SCHIP1: variants seen among roughly 807,000 people sequenced by gnomAD.
The protein encoded by SCHIP1 is schwannomin-interacting protein 1.
SCHIP1 carries 8 observed loss-of-function variants against 29.7 expected under a neutral mutation model. The observed-to-expected ratio is 0.27, with a 90% CI of 0.16 to 0.49. The LOEUF is 0.49. Ranked by LOEUF, SCHIP1 falls within the 20% of genes least tolerant of loss-of-function variation. The probability of loss-of-function intolerance (pLI) is 0.99; values close to 1 mark genes in which losing one functional copy is unlikely to be tolerated. For missense variants in SCHIP1, 193 were observed against 294.6 expected, an observed-to-expected ratio of 0.66 and a Z score of 2.52; for synonymous variants, 76 against 94.9, an observed-to-expected ratio of 0.80 and a Z score of 1.16.
the SCHIP1 span, among the ~76,000 whole-genome samples, chr3:159,791,419 C>T: frequency 6.6e-6 from 1 of 152,242 alleles, no homozygotes; most frequent in Non-Finnish European, 1.5e-5. Context: ...GGCGATGTTA[C>T]CAGAACCTTC....
chr3:159,498,203 G>C, the SCHIP1 span, among the ~76,000 whole-genome samples: 6 of 152,068 alleles, frequency 3.9e-5, no homozygotes, highest in Non-Finnish European at 5.9e-5. Context: ...GCTCTATTTC[G>C]TTATTCTCAC....
the SCHIP1 span, among the ~76,000 whole-genome samples, chr3:159,326,294 T>C: frequency 3.9e-5 from 6 of 152,180 alleles, no homozygotes; most frequent in African/African-American, 9.6e-5. Flanking sequence ...AGTTAAATAC[T>C]ATCTAATGAA....
At chr3:159,607,515 CCTTT>C in the SCHIP1 span, among the ~76,000 whole-genome samples, 1 of 152,030 alleles carries the variant, frequency 6.6e-6, no homozygotes, top group Admixed American at 6.6e-5. Flanking sequence ...ATGAGGGGGC[CCTTT>C]CTTTCTCTAA....
chr3:159,827,910 C>T, the SCHIP1 span, among the ~76,000 whole-genome samples: 2 of 151,484 alleles, frequency 1.3e-5, no homozygotes, highest in Non-Finnish European at 2.9e-5. Flanking sequence ...AACTCATGAT[C>T]TAGTGTGTTT....
At chr3:159,331,252 C>A in the SCHIP1 span, among the ~76,000 whole-genome samples, 1 of 152,196 alleles carries the variant, frequency 6.6e-6, no homozygotes, top group Non-Finnish European at 1.5e-5. Context: ...TAACCTCCCC[C>A]AGAGGGATCC....
At chr3:159,568,342 G>T in the SCHIP1 span, among the ~76,000 whole-genome samples, 1 of 151,772 alleles carries the variant, frequency 6.6e-6, no homozygotes. Context: ...TAAAGCAGAG[G>T]GCATTTTTTG....
the SCHIP1 span, among the ~76,000 whole-genome samples, chr3:159,693,313 C>G: frequency 2.0e-5 from 3 of 152,288 alleles, no homozygotes; most frequent in South Asian, 6.2e-4. Context: ...TCTAAGATCT[C>G]TCTTTCTTCC....
the SCHIP1 span, among the ~76,000 whole-genome samples, chr3:159,447,392 T>C: frequency 6.6e-6 from 1 of 151,692 alleles, no homozygotes; most frequent in Non-Finnish European, 1.5e-5. Context: ...TGGCTAAGAG[T>C]AGGAAATAGA....
chr3:159,466,534 G>A, the SCHIP1 span, among the ~76,000 whole-genome samples: 1 of 152,162 alleles, frequency 6.6e-6, no homozygotes, highest in Non-Finnish European at 1.5e-5. Context: ...ATAAGTGGTA[G>A]CTGTTTTGAT....
the SCHIP1 span, among the ~76,000 whole-genome samples, chr3:159,449,254 A>G: frequency 6.6e-6 from 1 of 152,144 alleles, no homozygotes; most frequent in African/African-American, 2.4e-5. Context: ...TGGTGTGTAG[A>G]TCTTGGATAA....
At chr3:159,614,901 G>T in the SCHIP1 span, among the ~76,000 whole-genome samples, 1 of 152,226 alleles carries the variant, frequency 6.6e-6, no homozygotes, top group Non-Finnish European at 1.5e-5. Flanking sequence ...AATAAGGCAT[G>T]ACAGACTGTC....
chr3:159,402,945 A>G, the SCHIP1 span, among the ~76,000 whole-genome samples: 1 of 151,992 alleles, frequency 6.6e-6, no homozygotes, highest in Non-Finnish European at 1.5e-5. Flanking sequence ...AATAATAATA[A>G]AAGAAAAAAA....
At chr3:159,303,434 T>A in the SCHIP1 span, among the ~76,000 whole-genome samples, 1 of 106,736 alleles carries the variant, frequency 9.4e-6, no homozygotes, top group African/African-American at 3.6e-5. Flanking sequence ...TACAAATGAA[T>A]GTAAAGAGAG....
the SCHIP1 span, among the ~76,000 whole-genome samples, chr3:159,397,433 T>C: frequency 2.6e-5 from 4 of 152,234 alleles, no homozygotes; most frequent in Admixed American, 2.6e-4. Flanking sequence ...TGTTCTTTTT[T>C]TTCCCCATCT....
the SCHIP1 span, among the ~76,000 whole-genome samples, chr3:159,791,231 C>A: frequency 6.6e-6 from 1 of 152,104 alleles, no homozygotes; most frequent in African/African-American, 2.4e-5. Context: ...AGCCCAGGGG[C>A]CCATCAGCAA....
chr3:159,494,302 A>T, the SCHIP1 span, among the ~76,000 whole-genome samples: 1 of 152,234 alleles, frequency 6.6e-6, no homozygotes, highest in Non-Finnish European at 1.5e-5. Flanking sequence ...CAAAAAAATC[A>T]GTGAATCCAG....
At chr3:159,728,235 C>T in the SCHIP1 span, among the ~76,000 whole-genome samples, 1 of 152,048 alleles carries the variant, frequency 6.6e-6, no homozygotes, top group Non-Finnish European at 1.5e-5. Flanking sequence ...TTGATCACAC[C>T]TAGGCAGGGG....
chr3:159,478,186 G>A, the SCHIP1 span, among the ~76,000 whole-genome samples: 6,360 of 152,030 alleles, frequency 0.042, 428 homozygotes, highest in African/African-American at 0.15. Context: ...GCCTCCCAAA[G>A]TGCTGGGATT....
At chr3:159,426,364 C>T in the SCHIP1 span, among the ~76,000 whole-genome samples, 395 of 152,208 alleles carry the variant, frequency 2.6e-3, 4 homozygotes, top group South Asian at 8.5e-3. Context: ...CACCACCGAT[C>T]CCACAGACAT....
Sources: gnomAD v4.1 joint callset for allele counts (sites outside exome capture counted in the v4.1 genomes callset) on GRCh38, gnomAD v4.1.1 for gene constraint, MANE v1.5 for transcripts, NCBI Gene and HGNC (gene_info 2026-07-23, HGNC 2026-07-21) for gene names.